PAM: variants seen among roughly 807,000 people sequenced by gnomAD.
PAM encodes peptidyl-glycine alpha-amidating monooxygenase.
Under a neutral mutation model 122.1 loss-of-function variants are expected in PAM, and 72 were observed. That is an observed-to-expected ratio of 0.59 (90% CI 0.49 to 0.72). PAM has a LOEUF of 0.72. PAM is among the 30% of genes least tolerant of loss of function. PAM has a pLI of 0.00. For synonymous variants in PAM, 389 were observed against 404.4 expected, an observed-to-expected ratio of 0.96 and a Z score of 0.46; for missense variants, 1,106 against 1,183.7, an observed-to-expected ratio of 0.93 and a Z score of 0.96.
chr5:102,970,158 C>A (rs1765379428), intron 14 of PAM, among the ~76,000 whole-genome samples: 1 of 152,068 alleles, frequency 6.6e-6, no homozygotes, highest in South Asian at 2.1e-4. Flanking sequence ...GAAATGCATC[C>A]AATTTAGGGA....
intron 1 of PAM, among the ~76,000 whole-genome samples, chr5:102,768,571 A>G (rs1365120405): frequency 6.6e-6 from 1 of 152,170 alleles, no homozygotes; most frequent in African/African-American, 2.4e-5. Context: ...GTTCTCACAA[A>G]TAAGTGAGAA....
intron 15 of PAM, among the ~76,000 whole-genome samples, chr5:102,977,658 GCACA>G (rs10527378): frequency 0.045 from 6,482 of 142,978 alleles, 299 homozygotes; most frequent in African/African-American, 0.12. Flanking sequence ...ATGCATGTGC[GCACA>G]CACACACACA....
intron 1 of PAM, among the ~76,000 whole-genome samples, chr5:102,791,728 G>C (rs1418490530): frequency 6.6e-6 from 1 of 152,100 alleles, no homozygotes; most frequent in African/African-American, 2.4e-5. Flanking sequence ...ATGCAAGATA[G>C]GCATACTGTA....
chr5:102,814,142 C>A (rs1238222910), intron 1 of PAM, among the ~76,000 whole-genome samples: 3 of 152,120 alleles, frequency 2.0e-5, no homozygotes, highest in Non-Finnish European at 4.4e-5. Flanking sequence ...AACTGGAGAC[C>A]ATCAGGTCCC....
chr5:102,763,999 A>G (rs1028944980), intron 1 of PAM, among the ~76,000 whole-genome samples: 2 of 152,270 alleles, frequency 1.3e-5, no homozygotes, highest in African/African-American at 4.8e-5. Flanking sequence ...TTAATTTGAC[A>G]TGACAGTGTG....
At chr5:102,824,821 A>C (rs1352832858) in intron 1 of PAM, among the ~76,000 whole-genome samples, 1 of 152,210 alleles carries the variant, frequency 6.6e-6, no homozygotes, top group Non-Finnish European at 1.5e-5. Flanking sequence ...AAATTTTCTA[A>C]AATAAGGACT....
chr5:102,914,678 A>G (rs907769525), intron 5 of PAM, among the ~76,000 whole-genome samples: 7 of 152,064 alleles, frequency 4.6e-5, no homozygotes, highest in Admixed American at 3.3e-4. Flanking sequence ...TGTTATTTCC[A>G]CTTTACAGAC....
chr5:103,029,001 A>T lies in PAM; in HGVS notation c.2858A>T (p.Asp953Val). Residue 953 changes from aspartate (D) to valine (V), a missense_variant, in exon 26 of 26, where the codon GAT becomes GTT. Physicochemically the swap from Asp to Val is radical, Grantham distance 152. Coordinates refer to ENST00000438793, the MANE Select transcript of PAM (RefSeq NM_001177306.2). The stretch of plus-strand genomic sequence containing the variant: ...GGCAGTGACCAAGAGAAAGAGGATG[A>T]TGGAAGTGAATCAGAAGAGGAGTAT... Reference protein sequence around the residue: ...TEGSDQEKEDDGSESEEEYSA... With the variant: ...TEGSDQEKEDVGSESEEEYSA... 1.9e-6 allele frequency: 3 copies of T among 1,613,938 alleles called. No homozygotes were observed. The highest frequency in any genetic ancestry group is 2.5e-6 in the Non-Finnish European group (3 of 1,179,840).
Position 102,925,036 on chromosome 5 carries a change from C to G in PAM, c.436C>G (p.Pro146Ala), listed in dbSNP as rs1340212688. ...WARNAPPTRLPKGVGFRVGGE... is the reference protein window; with the variant it reads ...WARNAPPTRLAKGVGFRVGGE... Reference sequence around the variant, plus strand: ...GAGAAATGCTCCCCCTACCCGGCTCCCCAAAGGTATGTCAGAGCCTCTTGG... The same window carrying G: ...GAGAAATGCTCCCCCTACCCGGCTCGCCAAAGGTATGTCAGAGCCTCTTGG... The change falls in exon 6 of 26, where the codon CCC becomes GCC. Residue 146 changes from proline to alanine, a missense_variant. By Grantham distance (27) the Pro-to-Ala change is conservative. Coordinates refer to ENST00000438793, the MANE Select transcript of PAM (RefSeq NM_001177306.2). 2 of 1,539,286 alleles carry G rather than the reference C, an allele frequency of 1.3e-6. No homozygotes were observed. The highest frequency in any genetic ancestry group is 2.2e-5 in the South Asian group (2 of 89,612).
rs534517575 is a variant in PAM at position 102,906,271 on chromosome 5, TC to T, written c.268+4863del. On this transcript the variant is annotated intron_variant, in intron 4 of 25. Coordinates refer to ENST00000438793, the MANE Select transcript of PAM (RefSeq NM_001177306.2). ...ATGGAGAAATGTTAAAATCCTTCAT[TC>T]CCCCAACCTACCACCTCCTCCCAGC... 2.2e-4 allele frequency among the ~76,000 whole-genome samples: 34 copies of T among 151,732 alleles called. 1 individual carries two copies. The South Asian group carries it at 7.1e-3, about 32-fold the overall frequency.
At chr5:102,976,782 GAAGTT>G (rs1476245955) in intron 15 of PAM, among the ~76,000 whole-genome samples, 2 of 152,170 alleles carry the variant, frequency 1.3e-5, no homozygotes, top group East Asian at 1.9e-4. Flanking sequence ...GCTGAAGCCA[GAAGTT>G]AACCTGTTTG....
intron 1 of PAM, among the ~76,000 whole-genome samples, chr5:102,805,222 T>C (rs1765902909): frequency 6.6e-6 from 1 of 151,692 alleles, no homozygotes; most frequent in Non-Finnish European, 1.5e-5. Flanking sequence ...AAGCACGTGC[T>C]ACCACCCTGG....
intron 16 of PAM, among the ~76,000 whole-genome samples, chr5:102,996,522 CAT>C (rs1053037269): frequency 1.7e-4 from 26 of 152,158 alleles, no homozygotes; most frequent in African/African-American, 5.8e-4. Context: ...GCAAGTTTAA[CAT>C]GTGTGTTTGG....
At chr5:102,968,093 G>T (rs141133346) in intron 14 of PAM, among the ~76,000 whole-genome samples, 2 of 152,068 alleles carry the variant, frequency 1.3e-5, no homozygotes, top group Non-Finnish European at 2.9e-5. Context: ...CAGTTTGCAC[G>T]TTTCTTGTGT....
intron 4 of PAM, among the ~76,000 whole-genome samples, chr5:102,907,824 T>G (rs1346507245): frequency 6.6e-6 from 1 of 152,090 alleles, no homozygotes; most frequent in Non-Finnish European, 1.5e-5. Context: ...GGGTTGTTTG[T>G]TTTTGTCTTG....
rs74845552 is a variant in PAM at position 102,963,612 on chromosome 5, A to G, written c.1162+2383A>G. On this transcript the variant is annotated intron_variant, in intron 14 of 25. Coordinates refer to ENST00000438793, the MANE Select transcript of PAM (RefSeq NM_001177306.2). ...TTGTGGTTGTGCTAGCCACAAGCTAACAGACACCATCTATGTTGGTCCTAC... is the reference window on the plus strand; with the variant it reads ...TTGTGGTTGTGCTAGCCACAAGCTAGCAGACACCATCTATGTTGGTCCTAC... Among the ~76,000 whole-genome samples the G allele has an allele frequency of 6.1e-3, 920 of 152,050 alleles. 6 individuals carry two copies. Among genetic ancestry groups the G allele is most frequent in the African/African-American group, 0.021 (879 of 41,540 alleles).
At chr5:102,790,405 T>C (rs1761744518) in intron 1 of PAM, among the ~76,000 whole-genome samples, 2 of 152,070 alleles carry the variant, frequency 1.3e-5, no homozygotes, top group Admixed American at 1.3e-4. Flanking sequence ...ACAAAGAGGT[T>C]TAGAGAGATC....
chr5:102,874,914 T>C (rs1294913866), intron 3 of PAM, among the ~76,000 whole-genome samples: 1 of 152,038 alleles, frequency 6.6e-6, no homozygotes, highest in Admixed American at 6.6e-5. Flanking sequence ...CTAAAAGAGA[T>C]TAATAACGTG....
At chr5:102,787,173 T>A (rs1391042279) in intron 1 of PAM, among the ~76,000 whole-genome samples, 1 of 152,154 alleles carries the variant, frequency 6.6e-6, no homozygotes, top group East Asian at 1.9e-4. Flanking sequence ...AAAATAGTTT[T>A]ACCATCCTTA....
Sources: allele counts gnomAD v4.1 joint callset (sites outside exome capture counted in the v4.1 genomes callset), GRCh38; gene constraint gnomAD v4.1.1; transcripts MANE v1.5; gene names NCBI Gene and HGNC (gene_info 2026-07-23, HGNC 2026-07-21).